UBA2: variants seen among roughly 807,000 people sequenced by gnomAD.
UBA2 encodes SUMO-activating enzyme subunit 2.
In UBA2, 11 loss-of-function variants were observed where a neutral mutation model predicts 77.2. The ratio of observed to expected loss-of-function variants is 0.14; its 90% CI spans 0.09 to 0.24. The LOEUF (loss-of-function observed/expected upper bound fraction) is 0.24, where lower values mean the gene tolerates loss of function less well. UBA2 is among the 10% of genes least tolerant of loss of function. The probability of loss-of-function intolerance (pLI) is 1.00; values close to 1 mark genes in which losing one functional copy is unlikely to be tolerated. For missense variants in UBA2, 487 were observed against 781.7 expected, an observed-to-expected ratio of 0.62 and a Z score of 4.50; for synonymous variants, 278 against 276.7, an observed-to-expected ratio of 1.00 and a Z score of -0.05.
At position 34,428,859 on chromosome 19, in the gene UBA2, C is replaced by T. The variant is rs1466584423; in HGVS notation, c.138+289C>T. The T allele has an allele frequency of 2.9e-5, 32 of 1,085,204 alleles. 1 individual carries two copies. In the East Asian group the frequency reaches 1.6e-3, roughly 56 times the overall value. 67.2% of individuals were successfully genotyped at this position (1,085,204 alleles called of 1,614,324 possible). On this transcript the variant is annotated intron_variant, in intron 1 of 16. Transcript: ENST00000246548. ...GTGGCGCTTCGTGGGCGTGAAGCCG[C>T]CTCTTATCCTCCCTTCAAAACAAAT...
At chr19:34,431,614 A>G (rs1410817212) in intron 2 of UBA2, among the ~76,000 whole-genome samples, 1 of 152,162 alleles carries the variant, frequency 6.6e-6, no homozygotes. Context: ...GAAGCTTGCC[A>G]TTCATGTAGA....
chr19:34,462,990 G>A (rs991000731), intron 14 of UBA2, among the ~76,000 whole-genome samples: 25 of 152,054 alleles, frequency 1.6e-4, no homozygotes, highest in African/African-American at 5.1e-4. Context: ...CCAGCTATTC[G>A]GGAGGCTAAG....
chr19:34,461,336 C>A (rs1252945667), intron 14 of UBA2, among the ~76,000 whole-genome samples: 1 of 152,112 alleles, frequency 6.6e-6, no homozygotes, highest in African/African-American at 2.4e-5. Context: ...AGATGTTAAG[C>A]CTTCTTTAAA....
chr19:34,453,517 CTTTTTTTTTTT>C (rs560242991), intron 10 of UBA2, among the ~76,000 whole-genome samples: 1 of 127,340 alleles, frequency 7.9e-6, no homozygotes, highest in Admixed American at 8.2e-5. Flanking sequence ...AATGAAACAG[CTTTTTTTTTTT>C]TTTTTTTTTA....
rs76972034 is a variant in UBA2 at position 34,458,983 on chromosome 19, A to G, written c.1401+59A>G. On this transcript the variant is annotated intron_variant, in intron 13 of 16. Coordinates refer to ENST00000246548, the MANE Select transcript of UBA2 (RefSeq NM_005499.3). ...CTTTTACAGTATTACTGTGATGACA[A>G]ACAAACACTAGCTGCTGATTCTGAA... is the stretch of plus-strand genomic sequence containing the variant. The G allele has an allele frequency of 5.4e-6, 8 of 1,476,876 alleles. No homozygotes were observed. The South Asian group carries it at 7.3e-5, about 13-fold the overall frequency. 91.5% of individuals were successfully genotyped at this position (1,476,876 alleles called of 1,614,324 possible). A position where few individuals can be genotyped will look rare whatever the true frequency, so the allele number is the denominator to read the frequency against.
Position 34,469,004 on chromosome 19 carries a change from T to C in UBA2, c.1742-36T>C, listed in dbSNP as rs2075713988. On this transcript the variant is annotated intron_variant, in intron 16 of 16. Coordinates refer to ENST00000246548, the MANE Select transcript of UBA2 (RefSeq NM_005499.3). ...GTGAGCACAGGTAACTCCCACGCTT[T>C]TACCCATTTTCTTTTTCCCTTTTTT... The C allele has an allele frequency of 3.2e-6, 5 of 1,563,962 alleles. No homozygotes were observed. In the African/African-American group the frequency reaches 4.1e-5, roughly 13 times the overall value.
intron 12 of UBA2, among the ~76,000 whole-genome samples, chr19:34,456,095 C>CTTTTATTTTTTTTTT (rs1393766434): frequency 1.4e-5 from 1 of 69,642 alleles, no homozygotes; most frequent in Admixed American, 2.1e-4. Flanking sequence ...TCTTTTTTTC[C>CTTTTATTTTTTTTTT]TTTTCTTTTT....
chr19:34,439,118 G>A (rs2075340667), intron 6 of UBA2, among the ~76,000 whole-genome samples: 1 of 151,226 alleles, frequency 6.6e-6, no homozygotes, highest in Non-Finnish European at 1.5e-5. Context: ...TGAGGCAAGA[G>A]AATTGCTTGA....
In UBA2 at chr19:34,465,656, CAGGA is replaced by C. The variant is rs201402124; in HGVS notation, c.1605-1217_1605-1214del. Among the ~76,000 whole-genome samples, 897 of 145,062 alleles carry C rather than the reference CAGGA, an allele frequency of 6.2e-3. 8 individuals carry two copies. Among genetic ancestry groups the C allele is most frequent in the African/African-American group, 0.021 (822 of 39,516 alleles). On this transcript the variant is annotated intron_variant, in intron 15 of 16. Transcript: ENST00000246548. ...ATGTCAGAAAAAAAAAAAAAAATGA[CAGGA>C]AGGACTGAATGTGAGTTATTAGTAA...
chr19:34,433,480 T>G, intron 4 of UBA2, 68 bp downstream of exon 4: 1 of 1,103,724 alleles, frequency 9.1e-7, no homozygotes, highest in South Asian at 1.3e-5. Context: ...TGTTTACAAA[T>G]TTAATATTTA....
intron 8 of UBA2, among the ~76,000 whole-genome samples, chr19:34,447,444 C>T (rs6510418): frequency 2.6e-5 from 4 of 152,186 alleles, no homozygotes; most frequent in Non-Finnish European, 4.4e-5. Flanking sequence ...CTTAAGATGC[C>T]GTAAACTTCG....
chr19:34,450,571 A>G (rs1048648907), intron 9 of UBA2, among the ~76,000 whole-genome samples: 12 of 152,088 alleles, frequency 7.9e-5, no homozygotes, highest in Admixed American at 5.9e-4. Context: ...GGTCCGCCCT[A>G]TGTACACAGA....
intron 12 of UBA2, among the ~76,000 whole-genome samples, chr19:34,457,517 G>T (rs773800034): frequency 1.3e-5 from 2 of 152,080 alleles, no homozygotes; most frequent in Admixed American, 6.5e-5. Flanking sequence ...TCCCGGTGAA[G>T]CCCAAAATCA....
chr19:34,453,399 A>G (rs535720884), intron 10 of UBA2, among the ~76,000 whole-genome samples: 2 of 151,698 alleles, frequency 1.3e-5, no homozygotes, highest in African/African-American at 4.8e-5. Flanking sequence ...AAAAACTTGG[A>G]TTGTATTGCC....
intron 4 of UBA2, among the ~76,000 whole-genome samples, chr19:34,434,141 G>A (rs148643643): frequency 1.6e-3 from 241 of 152,220 alleles, no homozygotes; most frequent in African/African-American, 5.7e-3. Flanking sequence ...AAGGCTTGGG[G>A]GGTCTCACTG....
chr19:34,439,297 A>G (rs972148870), intron 6 of UBA2, among the ~76,000 whole-genome samples: 4 of 152,138 alleles, frequency 2.6e-5, no homozygotes, highest in African/African-American at 7.2e-5. Context: ...AAAAATCTTT[A>G]TATTTGGAAA....
chr19:34,464,659 G>A (rs1181531778), intron 15 of UBA2, among the ~76,000 whole-genome samples: 1 of 152,076 alleles, frequency 6.6e-6, no homozygotes. Context: ...TAGAGTCCAG[G>A]TGTTTGAACA....
chr19:34,445,469 C>CA (rs2075418781), intron 8 of UBA2, among the ~76,000 whole-genome samples: 1 of 131,062 alleles, frequency 7.6e-6, no homozygotes, highest in Non-Finnish European at 1.6e-5. Context: ...GATGGAGTCT[C>CA]ACTCTTGTCG....
At chr19:34,462,944 AAT>A (rs2075647540) in intron 14 of UBA2, among the ~76,000 whole-genome samples, 1 of 152,066 alleles carries the variant, frequency 6.6e-6, no homozygotes, top group East Asian at 1.9e-4. Context: ...AAAATACAAA[AAT>A]TAGCCAGGCA....
Sources: gnomAD v4.1 joint callset for allele counts (sites outside exome capture counted in the v4.1 genomes callset) on GRCh38, gnomAD v4.1.1 for gene constraint, MANE v1.5 for transcripts, NCBI Gene and HGNC (gene_info 2026-07-23, HGNC 2026-07-21) for gene names.